Variants in ZNF19 observed in about 807,000 individuals in gnomAD.
ZNF19 encodes zinc finger protein 19.
In ZNF19, 11 loss-of-function variants were observed where a neutral mutation model predicts 13.1. That is an observed-to-expected ratio of 0.84 (90% confidence interval 0.53 to 1.39). The LOEUF is 1.39. Among genes scored for constraint, ZNF19 ranks in the 40% most tolerant of loss-of-function variants. ZNF19 has a pLI of 0.00. For synonymous variants in ZNF19, 186 were observed against 187.0 expected (o/e 0.99, Z 0.04); for missense variants, 560 against 547.0 (o/e 1.02, Z -0.24).
In ZNF19 at chr16:71,478,926, A is replaced by G; in HGVS notation, c.113T>C (p.Leu38Pro). 3 of 1,614,250 alleles carry G rather than the reference A, an allele frequency of 1.9e-6. No homozygotes were observed. The highest frequency in any genetic ancestry group is 2.5e-6 in the Non-Finnish European group (3 of 1,180,038). ...ATTCTCCAACATCACACTTCTGTAC[A>G]GGGCCCTCTGGGCAGGAGAAAGGCC... is the stretch of plus-strand genomic sequence containing the variant. ...WTGLSPAQRA[L>P]YRSVMLENFG... is the part of the protein sequence containing the mutation. The change falls in exon 4 of 6, where the codon CTG becomes CCG. Residue 38 changes from leucine (L) to proline (P), a missense_variant. By Grantham distance (98) the Leu-to-Pro change is moderately conservative (BLOSUM62 -3). Transcript: ENST00000288177.
In ZNF19 at chr16:71,484,581, A is replaced by G; in HGVS notation, c.-30+8T>C. 3.0e-6 allele frequency: 3 copies of G among 985,438 alleles called. No individual in the cohort carries two copies. Among genetic ancestry groups the G allele is most frequent in the Non-Finnish European group, 2.4e-6 (2 of 829,966 alleles). 61.0% of individuals were successfully genotyped at this position (985,438 alleles called of 1,614,324 possible). Reference sequence around the variant, plus strand: ...AAGGACTCCTAGGCGACAAACCCCAACACTCACCTCAGGAAAAACAGAAAG... The same window carrying G: ...AAGGACTCCTAGGCGACAAACCCCAGCACTCACCTCAGGAAAAACAGAAAG... On this transcript the variant is annotated splice_region_variant and intron_variant, in intron 2 of 5. Coordinates refer to ENST00000288177, the MANE Select transcript of ZNF19 (RefSeq NM_006961.4).
chr16:71,484,847 G>C, intron 1 of ZNF19, 99 bp from the exon 2 acceptor site: 1 of 496,054 alleles, frequency 2.0e-6, no homozygotes, highest in East Asian at 1.5e-4. Flanking sequence ...AGTATCAGCC[G>C]TATCTGTGAC....
In ZNF19 at chr16:71,478,916, A is replaced by C. The variant is rs549055498; in HGVS notation, c.123T>G (p.Ser41Arg). The C allele has an allele frequency of 5.0e-6, 8 of 1,614,104 alleles. 1 individual carries two copies. The South Asian group carries it at 7.7e-5, about 16-fold the overall frequency. ...GGTTCCCAAAATTCTCCAACATCAC[A>C]CTTCTGTACAGGGCCCTCTGGGCAG... ...LSPAQRALYR[S>R]VMLENFGNLT... The change falls in exon 4 of 6, where the codon AGT (serine) becomes AGG (arginine). Residue 41 changes from serine (S) to arginine (R), a missense_variant. By Grantham distance (110) the Ser-to-Arg change is moderately radical (BLOSUM62 -1). Transcript: ENST00000288177.
intron 3 of ZNF19, among the ~76,000 whole-genome samples, chr16:71,481,606 G>C (rs1405997637): frequency 6.6e-6 from 1 of 152,136 alleles, no homozygotes; most frequent in Non-Finnish European, 1.5e-5. Flanking sequence ...TGACCTCAAG[G>C]ACATATGTTT....
rs191331007 is a variant in ZNF19 at position 71,475,211 on chromosome 16, G to A, written c.1336C>T (p.Arg446Cys). 4.1e-5 allele frequency: 66 copies of A among 1,612,942 alleles called. No individual in the cohort carries two copies. The East Asian group carries it at 9.4e-4, about 23-fold the overall frequency. The change falls in exon 6 of 6, where the codon CGT becomes TGT. Residue 446 changes from arginine (R) to cysteine (C), a missense_variant. By Grantham distance (180) the Arg-to-Cys change is radical. Coordinates refer to ENST00000288177, the MANE Select transcript of ZNF19 (RefSeq NM_006961.4). ...SGEKPVLDIC[R>C]FGLPEFFTPF... ...GTAAAAAATTCTGGGAGGCCAAAAC[G>A]ACAAATGTCCAGCACAGGCTTCTCT...
rs1398939467 is a variant in ZNF19 at position 71,478,273 on chromosome 16, C to CTT, written c.227_228dup (p.Ala77LysfsTer28). 1 of 1,613,870 alleles carries CTT rather than the reference C, an allele frequency of 6.2e-7. No homozygotes were observed. Among genetic ancestry groups the CTT allele is most frequent in the Non-Finnish European group, 8.5e-7 (1 of 1,179,980 alleles). ...CTCTCTGCTGGGGGATCATCCTGTG[C>CTT]TTCCAGGCCCCAAGCCATGTCCCCT... On this transcript the variant is annotated frameshift_variant, in exon 5 of 6. Transcript: ENST00000288177. LOFTEE classifies it low-confidence loss of function (END_TRUNC).
At chr16:71,488,526 C>T (rs553418456) in intron 1 of ZNF19, among the ~76,000 whole-genome samples, 3 of 152,270 alleles carry the variant, frequency 2.0e-5, no homozygotes, top group African/African-American at 7.2e-5. Flanking sequence ...AGACTGGTCA[C>T]AGTGGCTCAC....
chr16:71,478,004 G>A (rs529575156), intron 5 of ZNF19: 217 of 489,758 alleles, frequency 4.4e-4, no homozygotes, highest in African/African-American at 3.7e-3. Flanking sequence ...AACTAAGGTA[G>A]GCAATGTTGA....
intron 1 of ZNF19, among the ~76,000 whole-genome samples, chr16:71,485,295 C>G (rs1567571404): frequency 6.6e-6 from 1 of 151,842 alleles, no homozygotes; most frequent in Non-Finnish European, 1.5e-5. Flanking sequence ...ACTAAAAATA[C>G]AAAAATTAGC....
intron 3 of ZNF19, among the ~76,000 whole-genome samples, chr16:71,479,280 T>C (rs902417767): frequency 2.0e-5 from 3 of 152,232 alleles, no homozygotes; most frequent in African/African-American, 7.2e-5. Flanking sequence ...AAAAAGTCTC[T>C]TATTAGTTAA....
At chr16:71,477,461 T>C (rs2043609954) in intron 5 of ZNF19, among the ~76,000 whole-genome samples, 1 of 152,180 alleles carries the variant, frequency 6.6e-6, no homozygotes, top group South Asian at 2.1e-4. Flanking sequence ...CTGCCTTCAA[T>C]TTCACTGTTT....
At chr16:71,486,686 G>C (rs2043681092) in intron 1 of ZNF19, among the ~76,000 whole-genome samples, 1 of 152,180 alleles carries the variant, frequency 6.6e-6, no homozygotes, top group Admixed American at 6.5e-5. Flanking sequence ...ATGGCAATTT[G>C]TTACAGCAGC....
At position 71,475,377 on chromosome 16, in the gene ZNF19, A is replaced by G. The variant is rs762453399; in HGVS notation, c.1170T>C (p.Cys390=). The change falls in exon 6 of 6, where the codon TGT becomes TGC. Residue 390 remains cysteine, a synonymous_variant. Transcript: ENST00000288177. ...TQESSYVCDE[C]GKALTSKRNL... Reference sequence around the variant, plus strand: ...TTCTTTTGCTAGTCAAGGCTTTTCCACACTCATCACATACATAGGAAGACT... The same window carrying G: ...TTCTTTTGCTAGTCAAGGCTTTTCCGCACTCATCACATACATAGGAAGACT... 1 of 1,614,002 alleles carries G rather than the reference A, an allele frequency of 6.2e-7. No individual in the cohort carries two copies. Among genetic ancestry groups the G allele is most frequent in the East Asian group, 2.2e-5 (1 of 44,848 alleles).
rs558988011 is a variant in ZNF19, at chr16:71,474,130, T to G, written c.*1040A>C. 1.3e-5 allele frequency: 2 copies of G among 152,172 alleles called. No individual in the cohort carries two copies. Among genetic ancestry groups the G allele is most frequent in the Admixed American group, 6.6e-5 (1 of 15,266 alleles). The allele number at this position is 152,172 out of a possible 1,614,324, so 9.4% of individuals were successfully genotyped here. On this transcript the variant is annotated 3_prime_UTR_variant, in exon 6 of 6. Coordinates refer to ENST00000288177, the MANE Select transcript of ZNF19 (RefSeq NM_006961.4). ...CACGTGGGAGAAAAAAAGGGTGCAG[T>G]TTGTGTTCATCACCAAAGAAAAGGG...
At chr16:71,482,248 C>T (rs2043641851) in intron 2 of ZNF19, 105 bp from the exon 3 acceptor site, 4 of 987,546 alleles carry the variant, frequency 4.1e-6, no homozygotes. Context: ...TTACTAAATG[C>T]TCACTGGGTT....
Position 71,475,491 on chromosome 16 carries a change from A to C in ZNF19, c.1056T>G (p.Ser352Arg). 1 of 1,614,186 alleles carries C rather than the reference A, an allele frequency of 6.2e-7. No individual in the cohort carries two copies. Among genetic ancestry groups the C allele is most frequent in the Non-Finnish European group, 8.5e-7 (1 of 1,180,032 alleles). ...TKLTRHQRIH[S>R]EEKPFDCVDC... The stretch of plus-strand genomic sequence containing the variant: ...CTACACAGTCAAAGGGTTTCTCCTC[A>C]CTGTGAATTCTCTGGTGCCGAGTTA... Residue 352 changes from serine to arginine, a missense_variant, in exon 6 of 6, where the codon AGT (serine) becomes AGG (arginine). Transcript: ENST00000288177.
chr16:71,485,500 C>A, intron 1 of ZNF19, among the ~76,000 whole-genome samples: 1 of 145,626 alleles, frequency 6.9e-6, no homozygotes, highest in Non-Finnish European at 1.5e-5. Context: ...GAAAGAAAGA[C>A]CAGGTCTAAG....
chr16:71,478,546 C>G, intron 4 of ZNF19: 1 of 695,422 alleles, frequency 1.4e-6, no homozygotes. Flanking sequence ...TCAGTGAGAT[C>G]CACAAGGCAT....
Position 71,475,743 on chromosome 16 carries a change from A to G in ZNF19, c.804T>C (p.Thr268=), listed in dbSNP as rs2043597134. Residue 268 remains threonine (T), a synonymous_variant, in exon 6 of 6, where the codon ACT becomes ACC. Transcript: ENST00000288177. ...CATTACACTCATAGGGTTTCTCCCC[A>G]GTGTGGATTCTCTGATGTATAACAA... ...SEFVIHQRIH[T]GEKPYECNEC... 6.2e-7 allele frequency: 1 copy of G among 1,614,008 alleles called. No homozygotes were observed. The highest frequency in any genetic ancestry group is 1.3e-5 in the African/African-American group (1 of 74,936).
Sources: allele counts gnomAD v4.1 joint callset (sites outside exome capture counted in the v4.1 genomes callset), GRCh38; gene constraint gnomAD v4.1.1; transcripts MANE v1.5; gene names NCBI Gene and HGNC (gene_info 2026-07-23, HGNC 2026-07-21).